RREB1: variants seen among roughly 807,000 people sequenced by gnomAD.
The protein encoded by RREB1 is ras responsive element binding protein 1.
RREB1 carries 27 observed loss-of-function variants against 117.8 expected under a neutral mutation model. The ratio of observed to expected loss-of-function variants is 0.23; its 90% confidence interval spans 0.17 to 0.32. The LOEUF is 0.32. RREB1 is among the 10% of genes least tolerant of loss of function. The pLI is 1.00. For missense variants in RREB1, 2,577 were observed against 2,378.2 expected, an observed-to-expected ratio of 1.08 and a Z score of -1.74; for synonymous variants, 1,298 against 1,026.7, an observed-to-expected ratio of 1.26 and a Z score of -5.05.
intron 1 of RREB1, among the ~76,000 whole-genome samples, chr6:7,126,145 G>T (rs1020807748): frequency 3.3e-5 from 5 of 152,050 alleles, no homozygotes; most frequent in Admixed American, 2.0e-4. Flanking sequence ...GGGATTACAG[G>T]TGCGCACCAC....
chr6:7,234,288 A>T (rs1301974957), intron 10 of RREB1, among the ~76,000 whole-genome samples: 1 of 152,080 alleles, frequency 6.6e-6, no homozygotes, highest in Non-Finnish European at 1.5e-5. Context: ...TGGAGAAGTG[A>T]GTCTTTCTGT....
intron 1 of RREB1, among the ~76,000 whole-genome samples, chr6:7,147,800 A>G (rs77228362): frequency 2.4e-3 from 367 of 152,234 alleles, no homozygotes; most frequent in African/African-American, 8.2e-3. Flanking sequence ...AAATTGTTCC[A>G]TAGTACCAGT....
intron 6 of RREB1, among the ~76,000 whole-genome samples, chr6:7,201,842 C>T (rs1766003807): frequency 6.6e-6 from 1 of 152,074 alleles, no homozygotes; most frequent in Admixed American, 6.6e-5. Context: ...TGAGGTCTGC[C>T]ATGCTGCAGG....
intron 1 of RREB1, among the ~76,000 whole-genome samples, chr6:7,168,804 C>T (rs980987836): frequency 4.6e-5 from 7 of 152,186 alleles, no homozygotes; most frequent in African/African-American, 1.7e-4. Context: ...TTTCAAAGAC[C>T]CTTCTTGTGC....
At chr6:7,163,537 A>G (rs1003025787) in intron 1 of RREB1, among the ~76,000 whole-genome samples, 23 of 151,566 alleles carry the variant, frequency 1.5e-4, no homozygotes, top group African/African-American at 4.9e-4. Context: ...GACTACAGGC[A>G]CCCGCCACCA....
chr6:7,229,692 G>A lies in RREB1; in HGVS notation c.1593G>A (p.Gln531=), dbSNP rs773981406. 3 of 1,610,210 alleles carry A rather than the reference G, an allele frequency of 1.9e-6. No individual in the cohort carries two copies. Among genetic ancestry groups the A allele is most frequent in the South Asian group, 1.1e-5 (1 of 90,774 alleles). ...TSTPPPLINA[Q]QASPGCISPS... Reference sequence around the variant, plus strand: ...CGCCCCCGCCTCTCATCAACGCCCAGCAGGCTTCCCCGGGCTGTATCAGCC... The same window carrying A: ...CGCCCCCGCCTCTCATCAACGCCCAACAGGCTTCCCCGGGCTGTATCAGCC... Residue 531 remains glutamine (Q), a synonymous_variant, in exon 10 of 13, where the codon CAG becomes CAA. Coordinates refer to ENST00000379938, the MANE Select transcript of RREB1 (RefSeq NM_001003699.4). The surrounding 1 kb of genome is among the most constrained non-coding windows in gnomAD (Gnocchi z 4.5).
chr6:7,204,700 A>G (rs1032721417), intron 6 of RREB1, among the ~76,000 whole-genome samples: 3 of 152,148 alleles, frequency 2.0e-5, no homozygotes, highest in Admixed American at 6.6e-5. Context: ...TTACGGTACC[A>G]TTCACTCAGA....
intron 1 of RREB1, among the ~76,000 whole-genome samples, chr6:7,121,503 A>G (rs962141013): frequency 6.6e-6 from 1 of 152,100 alleles, no homozygotes; most frequent in African/African-American, 2.4e-5. Context: ...TTAGAGTTAC[A>G]TTAGTATTTT....
chr6:7,126,230 G>C (rs1474431059), intron 1 of RREB1, among the ~76,000 whole-genome samples: 1 of 152,064 alleles, frequency 6.6e-6, no homozygotes, highest in African/African-American at 2.4e-5. Flanking sequence ...TTGAACTGCT[G>C]ACCTCGTGAT....
intron 1 of RREB1, among the ~76,000 whole-genome samples, chr6:7,164,269 CT>C (rs1763816218): frequency 6.6e-6 from 1 of 152,204 alleles, no homozygotes; most frequent in African/African-American, 2.4e-5. Flanking sequence ...CCTTCCCTAC[CT>C]ACTATCATCA....
At chr6:7,171,421 C>T (rs763628007) in intron 1 of RREB1, among the ~76,000 whole-genome samples, 2 of 152,154 alleles carry the variant, frequency 1.3e-5, no homozygotes, top group African/African-American at 4.8e-5. Flanking sequence ...AGTCAGAGAA[C>T]GTGACTAAGG....
chr6:7,242,687 C>A (rs945885736), intron 11 of RREB1, among the ~76,000 whole-genome samples: 3 of 121,404 alleles, frequency 2.5e-5, no homozygotes, highest in Non-Finnish European at 5.0e-5. Context: ...TGAAGGAAGA[C>A]CACTTAAAAA....
intron 4 of RREB1, chr6:7,185,109 C>T (rs1765016941): frequency 6.6e-6 from 1 of 152,188 alleles, no homozygotes; most frequent in African/African-American, 2.4e-5. Context: ...CACCCCCTCC[C>T]CCATTATACC....
At position 7,231,630 on chromosome 6, in the gene RREB1, G is replaced by A; in HGVS notation, c.3531G>A (p.Glu1177=). 1 of 1,611,736 alleles carries A rather than the reference G, an allele frequency of 6.2e-7. No individual in the cohort carries two copies. Among genetic ancestry groups the A allele is most frequent in the East Asian group, 2.2e-5 (1 of 44,836 alleles). The change falls in exon 10 of 13, where the codon GAG becomes GAA. Residue 1177 remains glutamate (E), a synonymous_variant. Transcript: ENST00000379938. ...SGGVDLDSSG[E]FASIEKMLAT... ...GGGTGGACCTGGACTCCAGCGGGGA[G>A]TTTGCCAGCATCGAGAAGATGCTGG... is the stretch of plus-strand genomic sequence containing the variant.
chr6:7,215,219 T>G (rs970162568), intron 8 of RREB1: 1 of 152,284 alleles, frequency 6.6e-6, no homozygotes, highest in Non-Finnish European at 1.5e-5. Context: ...AGAATAGAAC[T>G]GAGCAACTGG....
At chr6:7,232,180 G>A (rs1274083044) in intron 10 of RREB1, among the ~76,000 whole-genome samples, 1 of 152,230 alleles carries the variant, frequency 6.6e-6, no homozygotes, top group Non-Finnish European at 1.5e-5. Context: ...AGTGGTCACA[G>A]GCCCTCAGAT....
intron 1 of RREB1, among the ~76,000 whole-genome samples, chr6:7,129,000 A>G (rs1762050622): frequency 2.0e-5 from 3 of 152,224 alleles, no homozygotes; most frequent in Admixed American, 2.0e-4. Context: ...AGCTTAACAC[A>G]TTATTTGAAT....
intron 1 of RREB1, among the ~76,000 whole-genome samples, chr6:7,117,173 A>G (rs2113297884): frequency 6.6e-6 from 1 of 152,278 alleles, no homozygotes; most frequent in African/African-American, 2.4e-5. Context: ...ATTTTAGATC[A>G]TATTTATAAA....
At chr6:7,242,525 G>T (rs1197601716) in intron 11 of RREB1, among the ~76,000 whole-genome samples, 1 of 152,214 alleles carries the variant, frequency 6.6e-6, no homozygotes, top group Admixed American at 6.5e-5. Context: ...GGTGAGAAAA[G>T]GGACTGAGAT....
Sources: allele counts gnomAD v4.1 joint callset (sites outside exome capture counted in the v4.1 genomes callset), GRCh38; gene constraint gnomAD v4.1.1; non-coding constraint Gnocchi (gnomAD v3.1); transcripts MANE v1.5; gene names NCBI Gene and HGNC (gene_info 2026-07-23, HGNC 2026-07-21).